GRXCR1: variants seen among roughly 807,000 people sequenced by gnomAD.
GRXCR1 encodes glutaredoxin domain-containing cysteine-rich protein 1.
GRXCR1 carries 27 observed loss-of-function variants against 27.3 expected under a neutral mutation model. The ratio of observed to expected loss-of-function variants is 0.99; its 90% CI spans 0.73 to 1.37. GRXCR1 has a LOEUF of 1.37. Ranked by LOEUF, GRXCR1 falls within the 40% of genes most tolerant of loss-of-function variation. The probability of loss-of-function intolerance (pLI) is 0.00; values close to 1 mark genes in which losing one functional copy is unlikely to be tolerated. For synonymous variants in GRXCR1, 122 were observed against 131.1 expected, an observed-to-expected ratio of 0.93 and a Z score of 0.47; for missense variants, 379 against 354.4, an observed-to-expected ratio of 1.07 and a Z score of -0.56.
rs267606855 is a variant in GRXCR1 at position 42,893,495 on chromosome 4, C to T, written c.229C>T (p.Gln77Ter). ...ESEGDENEND[Q>*]DSLLVLARAA... ...AGAAGGTGATGAGAATGAGAATGAC[C>T]AGGATAGCTTGCTGGTGTTAGCAAG... The change falls in exon 1 of 4, where the codon CAG becomes TAG. Residue 77 changes from glutamine to a stop codon, truncating the protein, a stop_gained. Coordinates refer to ENST00000399770, the MANE Select transcript of GRXCR1 (RefSeq NM_001080476.3). LOFTEE classifies it high-confidence loss of function. 4 of 1,613,722 alleles carry T rather than the reference C, an allele frequency of 2.5e-6. No individual in the cohort carries two copies. In the South Asian group the frequency reaches 4.4e-5, roughly 18 times the overall value.
chr4:42,949,693 G>A (rs1747835871), intron 1 of GRXCR1, among the ~76,000 whole-genome samples: 3 of 152,046 alleles, frequency 2.0e-5, no homozygotes, highest in Admixed American at 1.3e-4. Context: ...TTTCATAAAT[G>A]GCCTCTAGCT....
intron 1 of GRXCR1, among the ~76,000 whole-genome samples, chr4:42,926,682 C>T (rs1452365991): frequency 6.6e-6 from 1 of 151,720 alleles, no homozygotes; most frequent in Non-Finnish European, 1.5e-5. Flanking sequence ...TCATATTTGA[C>T]ACCAAAACCT....
chr4:42,999,497 A>G (rs1712279858), intron 2 of GRXCR1, among the ~76,000 whole-genome samples: 2 of 152,170 alleles, frequency 1.3e-5, no homozygotes, highest in Admixed American at 1.3e-4. Context: ...AGTCTCTTCC[A>G]TCCACTCCCC....
intron 2 of GRXCR1, among the ~76,000 whole-genome samples, chr4:42,976,152 T>C (rs1748513610): frequency 6.6e-6 from 1 of 152,074 alleles, no homozygotes; most frequent in Admixed American, 6.6e-5. Flanking sequence ...TTTTTTTATG[T>C]CAAAACCTGA....
intron 1 of GRXCR1, among the ~76,000 whole-genome samples, chr4:42,909,301 T>TG (rs1746665405): frequency 6.6e-6 from 1 of 152,156 alleles, no homozygotes; most frequent in Admixed American, 6.5e-5. Context: ...AAATGGGCCT[T>TG]GGTGGCAGTT....
intron 2 of GRXCR1, among the ~76,000 whole-genome samples, chr4:42,998,497 C>T (rs1330096367): frequency 2.6e-5 from 4 of 152,028 alleles, no homozygotes; most frequent in Admixed American, 2.0e-4. Context: ...ATCACAAAAA[C>T]GCAAGTGAAA....
chr4:43,016,880 C>T (rs1011770604), intron 2 of GRXCR1, among the ~76,000 whole-genome samples: 1 of 152,046 alleles, frequency 6.6e-6, no homozygotes, highest in African/African-American at 2.4e-5. Context: ...ATGTGTATTT[C>T]TTCCTTGGTG....
intron 2 of GRXCR1, among the ~76,000 whole-genome samples, chr4:42,970,280 G>A (rs1388420300): frequency 6.6e-6 from 1 of 152,112 alleles, no homozygotes; most frequent in Non-Finnish European, 1.5e-5. Flanking sequence ...TCTGGAGAAC[G>A]ATGGCCTTCT....
chr4:43,003,250 G>A (rs896149290), intron 2 of GRXCR1, among the ~76,000 whole-genome samples: 39 of 152,082 alleles, frequency 2.6e-4, no homozygotes, highest in East Asian at 7.7e-4. Context: ...ATATGTATAC[G>A]TATGTAACAA....
At chr4:42,942,509 T>C (rs561529106) in intron 1 of GRXCR1, among the ~76,000 whole-genome samples, 2 of 152,212 alleles carry the variant, frequency 1.3e-5, no homozygotes, top group South Asian at 4.1e-4. Context: ...GTAGAATGTT[T>C]GGTTACTCTC....
chr4:42,936,546 G>A (rs2109760263), intron 1 of GRXCR1, among the ~76,000 whole-genome samples: 1 of 151,934 alleles, frequency 6.6e-6, no homozygotes, highest in South Asian at 2.1e-4. Context: ...TAAAATAAGT[G>A]TGGTACATTT....
At chr4:42,921,549 G>T (rs918831689) in intron 1 of GRXCR1, among the ~76,000 whole-genome samples, 23 of 151,988 alleles carry the variant, frequency 1.5e-4, no homozygotes, top group African/African-American at 4.6e-4. Context: ...GGTACACCGT[G>T]TACTATGTAT....
intron 1 of GRXCR1, among the ~76,000 whole-genome samples, chr4:42,948,800 G>A (rs1355543167): frequency 6.6e-6 from 1 of 152,122 alleles, no homozygotes; most frequent in Non-Finnish European, 1.5e-5. Flanking sequence ...ATCAGAATCA[G>A]AGATGGAGGA....
intron 2 of GRXCR1, among the ~76,000 whole-genome samples, chr4:42,975,140 G>A (rs1346953821): frequency 6.6e-6 from 1 of 152,066 alleles, no homozygotes; most frequent in East Asian, 1.9e-4. Flanking sequence ...AGGTGCACAG[G>A]CATTCATTAA....
chr4:42,987,217 ATATAT>A (rs1157624958), intron 2 of GRXCR1, among the ~76,000 whole-genome samples: 3,989 of 25,786 alleles, frequency 0.15, 110 homozygotes, highest in African/African-American at 0.28. Context: ...TATATTATAT[ATATAT>A]TATATATTAT....
chr4:43,002,858 T>C (rs1712420382), intron 2 of GRXCR1, among the ~76,000 whole-genome samples: 1 of 152,226 alleles, frequency 6.6e-6, no homozygotes, highest in African/African-American at 2.4e-5. Flanking sequence ...ATGATATGGT[T>C]TGACTCTGTG....
chr4:42,903,390 C>T (rs1424382254), intron 1 of GRXCR1, among the ~76,000 whole-genome samples: 2 of 134,230 alleles, frequency 1.5e-5, no homozygotes, highest in African/African-American at 2.7e-5. Context: ...CGGCTCACTG[C>T]AAGCTCTGCC....
At chr4:43,027,349 A>T (rs1560693094) in intron 3 of GRXCR1, among the ~76,000 whole-genome samples, 1 of 152,212 alleles carries the variant, frequency 6.6e-6, no homozygotes, top group Non-Finnish European at 1.5e-5. Context: ...AGAAATAAAA[A>T]TGTAGCTTTG....
intron 2 of GRXCR1, among the ~76,000 whole-genome samples, chr4:42,971,893 C>A (rs1748395834): frequency 6.6e-6 from 1 of 152,094 alleles, no homozygotes; most frequent in Non-Finnish European, 1.5e-5. Context: ...CTAAGAATAA[C>A]TTTAAAAAAC....
Sources: allele counts gnomAD v4.1 joint callset (sites outside exome capture counted in the v4.1 genomes callset), GRCh38; gene constraint gnomAD v4.1.1; transcripts MANE v1.5; gene names NCBI Gene and HGNC (gene_info 2026-07-23, HGNC 2026-07-21).